SUN1: variants seen among roughly 807,000 people sequenced by gnomAD.
The protein encoded by SUN1 is Sad1 and UNC84 domain containing 1.
SUN1 carries 61 observed loss-of-function variants against 103.2 expected under a neutral mutation model. The ratio of observed to expected loss-of-function variants is 0.59; its 90% CI spans 0.48 to 0.73. SUN1 has a LOEUF of 0.73. SUN1 is among the 30% of genes least tolerant of loss of function. The pLI, the probability that SUN1 is intolerant of heterozygous loss-of-function variation, is 0.00. For missense variants in SUN1, 1,052 were observed against 1,034.6 expected, an observed-to-expected ratio of 1.02 and a Z score of -0.23; for synonymous variants, 490 against 425.7, an observed-to-expected ratio of 1.15 and a Z score of -1.86.
At chr7:848,695 G>GCGC (rs1416189671) in intron 5 of SUN1, 1 of 1,073,570 alleles carries the variant, frequency 9.3e-7, no homozygotes, top group Non-Finnish European at 1.2e-6. Context: ...TCCTCGCCAG[G>GCGC]CGCCTCCCTC....
chr7:817,326 C>G, intron 1 of SUN1: 1 of 1,190,586 alleles, frequency 8.4e-7, no homozygotes, highest in Non-Finnish European at 1.2e-6. Context: ...TAGGCTCAAG[C>G]GATCCCCTCG....
At chr7:835,241 T>TC (rs1801912866) in intron 1 of SUN1, among the ~76,000 whole-genome samples, 2 of 151,988 alleles carry the variant, frequency 1.3e-5, no homozygotes, top group Non-Finnish European at 2.9e-5. Flanking sequence ...GTGCTTCAGT[T>TC]CACGGGTTCC....
intron 1 of SUN1, among the ~76,000 whole-genome samples, chr7:838,030 C>G (rs1247263853): frequency 6.6e-6 from 1 of 152,232 alleles, no homozygotes; most frequent in Non-Finnish European, 1.5e-5. Flanking sequence ...TGTGTAGTGA[C>G]TCAAAGCAGT....
At chr7:836,091 G>A (rs779950248) in intron 1 of SUN1, among the ~76,000 whole-genome samples, 12 of 152,376 alleles carry the variant, frequency 7.9e-5, no homozygotes, top group Non-Finnish European at 1.6e-4. Context: ...GCTGCAACCT[G>A]TCGGCTGCTG....
chr7:822,644 C>T (rs1033492832), intron 1 of SUN1, among the ~76,000 whole-genome samples: 1 of 150,656 alleles, frequency 6.6e-6, no homozygotes, highest in Non-Finnish European at 1.5e-5. Flanking sequence ...AAGTATTCAC[C>T]TTGAGCCTGG....
upstream of SUN1, chr7:831,786 A>G (rs536244702): frequency 6.6e-6 from 1 of 152,546 alleles, no homozygotes; most frequent in South Asian, 2.1e-4. Context: ...TCTCCCTCAG[A>G]TATTTCAGCA....
At chr7:860,969 A>T (rs1050399847) in intron 14 of SUN1, among the ~76,000 whole-genome samples, 6 of 152,158 alleles carry the variant, frequency 3.9e-5, no homozygotes, top group African/African-American at 1.4e-4. Context: ...ACAATGTGGG[A>T]ATTATGGGAG....
At chr7:869,643 G>T (rs962693765) in intron 17 of SUN1, 127 bp downstream of exon 17, 25 of 1,143,800 alleles carry the variant, frequency 2.2e-5, no homozygotes, top group Non-Finnish European at 2.9e-5. Flanking sequence ...CTCAGATTCG[G>T]TGTTGAGGGG....
At position 825,967 on chromosome 7, in the gene SUN1, G is replaced by A. The variant is rs114694115; in HGVS notation, c.-74+9294G>A. ...GGACTTAAGAAACAAACCGGGCTGG[G>A]CATGGTAGCTCACACGTGTAATCCC... On this transcript the variant is annotated intron_variant, in intron 1 of 17. Transcript: ENST00000389574. Among the ~76,000 whole-genome samples, 132 of 152,164 alleles carry A rather than the reference G, an allele frequency of 8.7e-4. 2 individuals carry two copies. The highest frequency in any genetic ancestry group is 3.0e-3 in the African/African-American group (125 of 41,530).
upstream of SUN1, chr7:830,838 G>A (rs1249486622): frequency 1.3e-5 from 8 of 611,458 alleles, no homozygotes; most frequent in South Asian, 2.1e-4. Context: ...GTGGGCGTTC[G>A]CTGAGCCCAG....
rs1807331682 is a variant in SUN1, at chr7:839,770, T to C, written c.266+784T>C. On this transcript the variant is annotated intron_variant, in intron 2 of 18. Transcript: ENST00000401592. Reference sequence around the variant, plus strand: ...GTTTTCACCATGTTGGCCAGGCTGGTCTCGAACTCCTGGTCTCAGGTGATC... The same window carrying C: ...GTTTTCACCATGTTGGCCAGGCTGGCCTCGAACTCCTGGTCTCAGGTGATC... Among the ~76,000 whole-genome samples the C allele has an allele frequency of 4.4e-5, 2 of 45,472 alleles. 1 individual carries two copies. Among genetic ancestry groups the C allele is most frequent in the South Asian group, 1.4e-3 (2 of 1,420 alleles). 29.8% of individuals were successfully genotyped at this position (45,472 alleles called of 152,430 possible).
chr7:854,773 G>A, intron 10 of SUN1, 147 bp from the exon 11 acceptor site: 1 of 550,358 alleles, frequency 1.8e-6, no homozygotes, highest in Non-Finnish European at 3.2e-6. Flanking sequence ...TTGTTATGAA[G>A]CGGATTATTC....
intron 5 of SUN1, among the ~76,000 whole-genome samples, chr7:844,725 C>G (rs1298537669): frequency 6.6e-6 from 1 of 152,204 alleles, no homozygotes; most frequent in East Asian, 1.9e-4. Flanking sequence ...GCTGAGCGGC[C>G]ACTCTGCGCC....
At chr7:831,960 T>C (rs1357847715), upstream of SUN1, 1 of 834,996 alleles carries the variant, frequency 1.2e-6, no homozygotes, top group African/African-American at 1.8e-5. Context: ...AATATCCTGT[T>C]TTTTGGTGAG....
In SUN1 at chr7:855,019, G is replaced by T; in HGVS notation, c.1350+13G>T. 2 of 1,593,608 alleles carry T rather than the reference G, an allele frequency of 1.3e-6. No individual in the cohort carries two copies. The highest frequency in any genetic ancestry group is 2.2e-5 in the South Asian group (2 of 89,536). On this transcript the variant is annotated intron_variant, in intron 11 of 18. Transcript: ENST00000401592. Reference sequence around the variant, plus strand: ...AGAAAAATCTGAGGTATTTATTTTTGACCTTACGCTTTTTTAAAATAAAAA... The same window carrying T: ...AGAAAAATCTGAGGTATTTATTTTTTACCTTACGCTTTTTTAAAATAAAAA...
intron 10 of SUN1, 121 bp downstream of exon 10, chr7:853,739 TTCTG>T: frequency 8.8e-7 from 1 of 1,139,738 alleles, no homozygotes; most frequent in Non-Finnish European, 1.2e-6. Flanking sequence ...GGGTTGCCCT[TTCTG>T]TTCTTAGTTG....
chr7:830,975 G>A (rs968014683), upstream of SUN1: 2 of 985,378 alleles, frequency 2.0e-6, no homozygotes, highest in African/African-American at 3.5e-5. Flanking sequence ...GTGTATAGGT[G>A]GAGGGTAGCC....
chr7:848,390 A>G (rs767057043), intron 5 of SUN1: 2 of 1,342,558 alleles, frequency 1.5e-6, no homozygotes, highest in Non-Finnish European at 2.0e-6. Flanking sequence ...ATGGGAAGAA[A>G]TAACGCATGT....
chr7:856,624 G>A (rs1309234867), intron 12 of SUN1, among the ~76,000 whole-genome samples: 2 of 152,192 alleles, frequency 1.3e-5, no homozygotes, highest in Non-Finnish European at 2.9e-5. Context: ...GACCTCTGTA[G>A]TTAGCACTCT....
Sources: gnomAD v4.1 joint callset for allele counts (sites outside exome capture counted in the v4.1 genomes callset) on GRCh38, gnomAD v4.1.1 for gene constraint, MANE v1.5 for transcripts, NCBI Gene and HGNC (gene_info 2026-07-23, HGNC 2026-07-21) for gene names.